C22orf23: variants seen among roughly 807,000 people sequenced by gnomAD.
C22orf23 encodes chromosome 22 open reading frame 23.
A neutral mutation model predicts 29.7 loss-of-function variants in C22orf23; 30 were observed. The ratio of observed to expected loss-of-function variants is 1.01; its 90% CI spans 0.76 to 1.37. The LOEUF (loss-of-function observed/expected upper bound fraction) is 1.37, where lower values mean the gene tolerates loss of function less well. Ranked by LOEUF, C22orf23 falls within the 40% of genes most tolerant of loss-of-function variation. The pLI is 0.00. For missense variants in C22orf23, 237 were observed against 273.1 expected (o/e 0.87, Z 0.93); for synonymous variants, 90 against 96.1 (o/e 0.94, Z 0.37).
chr22:37,953,013 A>G, intron 2 of C22orf23, 34 bp downstream of exon 2: 1 of 1,531,154 alleles, frequency 6.5e-7, no homozygotes, highest in Non-Finnish European at 9.0e-7. Flanking sequence ...CCCTGGTGCC[A>G]AAAAGGCTGG....
chr22:37,952,783 G>C, intron 2 of C22orf23: 1 of 375,810 alleles, frequency 2.7e-6, no homozygotes, highest in Non-Finnish European at 4.9e-6. Context: ...GGAGGTGAGC[G>C]GCAGGCTAGC....
chr22:37,948,467 A>T (rs796418521), intron 3 of C22orf23, among the ~76,000 whole-genome samples: 1 of 151,684 alleles, frequency 6.6e-6, no homozygotes, highest in South Asian at 2.1e-4. Flanking sequence ...CCCAAAAAAC[A>T]AAAATTAGCT....
intron 3 of C22orf23, among the ~76,000 whole-genome samples, chr22:37,948,477 T>C (rs552049124): frequency 5.9e-4 from 88 of 150,026 alleles, no homozygotes; most frequent in Middle Eastern, 3.6e-3. Context: ...AAAAATTAGC[T>C]GGGCGTGGTG....
At chr22:37,944,332 A>C (rs1448947660) in intron 6 of C22orf23, 85 bp downstream of exon 6, 2 of 1,613,380 alleles carry the variant, frequency 1.2e-6, no homozygotes, top group African/African-American at 2.7e-5. Flanking sequence ...CTGACCCCTG[A>C]ACCCTGCCAC....
At chr22:37,948,825 T>C (rs748010111) in intron 3 of C22orf23, among the ~76,000 whole-genome samples, 2 of 152,150 alleles carry the variant, frequency 1.3e-5, no homozygotes, top group African/African-American at 2.4e-5. Flanking sequence ...CGTACTGTAA[T>C]ATATTAAAAT....
At chr22:37,947,009 A>G (rs1162847049) in intron 4 of C22orf23, among the ~76,000 whole-genome samples, 2 of 151,670 alleles carry the variant, frequency 1.3e-5, no homozygotes, top group Non-Finnish European at 2.9e-5. Flanking sequence ...AGGCTGTGGC[A>G]TTGAGCCCTG....
chr22:37,944,645 A>G lies in C22orf23; in HGVS notation c.482-128T>C, dbSNP rs1301888089. The G allele has an allele frequency of 3.9e-6, 3 of 778,410 alleles. No homozygotes were observed. The African/African-American group carries it at 5.2e-5, about 13-fold the overall frequency. The allele number at this position is 778,410 out of a possible 1,614,324, so 48.2% of individuals were successfully genotyped here. A position where few individuals can be genotyped will look rare whatever the true frequency, so the allele number is the denominator to read the frequency against. On this transcript the variant is annotated intron_variant, in intron 5 of 6. Coordinates refer to ENST00000403305, the MANE Select transcript of C22orf23 (RefSeq NM_032561.5). ...GCCGGGCGCGGTGGCTCACGCCTAT[A>G]ATCCCAGCACTTTGGGAGGCCAAGG...
In C22orf23 at chr22:37,945,182, C is replaced by A. The variant is rs369751347; in HGVS notation, c.350-9G>T. 1.2e-6 allele frequency: 2 copies of A among 1,606,846 alleles called. No homozygotes were observed. Among genetic ancestry groups the A allele is most frequent in the African/African-American group, 2.7e-5 (2 of 73,974 alleles). Reference sequence around the variant, plus strand: ...CTCCTTCTCCAAATCCCCTGTAGGGCCAAAAAGAAATGGCCTAGTTAGGCT... The same window carrying A: ...CTCCTTCTCCAAATCCCCTGTAGGGACAAAAAGAAATGGCCTAGTTAGGCT... On this transcript the variant is annotated splice_polypyrimidine_tract_variant and intron_variant, in intron 4 of 6. Transcript: ENST00000403305.
At position 37,945,192 on chromosome 22, in the gene C22orf23, A is replaced by T; in HGVS notation, c.350-19T>A. The T allele has an allele frequency of 1.9e-6, 3 of 1,607,120 alleles. No homozygotes were observed. The highest frequency in any genetic ancestry group is 1.7e-6 in the Non-Finnish European group (2 of 1,177,308). ...AAATCCCCTGTAGGGCCAAAAAGAA[A>T]TGGCCTAGTTAGGCTGTAAAGGGTG... is the stretch of plus-strand genomic sequence containing the variant. On this transcript the variant is annotated intron_variant, in intron 4 of 6. Coordinates refer to ENST00000403305, the MANE Select transcript of C22orf23 (RefSeq NM_032561.5).
At position 37,947,386 on chromosome 22, in the gene C22orf23, T is replaced by C. The variant is rs1930760774; in HGVS notation, c.244A>G (p.Ile82Val). ...VLPSKQIASPIYLPPILAARP... is the reference protein window; with the variant it reads ...VLPSKQIASPVYLPPILAARP... Reference sequence around the variant, plus strand: ...GCTGCGAGGATGGGAGGCAGGTAGATGGGCGAGGCTATTTGCTTGGAAGGT... The same window carrying C: ...GCTGCGAGGATGGGAGGCAGGTAGACGGGCGAGGCTATTTGCTTGGAAGGT... The change falls in exon 4 of 7, where the codon ATC becomes GTC. Residue 82 changes from isoleucine to valine, a missense_variant. By Grantham distance (29) the Ile-to-Val change is conservative (BLOSUM62 3). Transcript: ENST00000403305. 1 of 1,613,360 alleles carries C rather than the reference T, an allele frequency of 6.2e-7. No individual in the cohort carries two copies. Among genetic ancestry groups the C allele is most frequent in the East Asian group, 2.2e-5 (1 of 44,840 alleles).
chr22:37,951,797 C>CTTTTTTTTTTTTTTTTTTTTTTTT (rs551481283), intron 2 of C22orf23: 2 of 38,746 alleles, frequency 5.2e-5, no homozygotes, highest in Admixed American at 6.8e-4. Context: ...TCCTCTTTCT[C>CTTTTTTTTTTTTTTTTTTTTTTTT]TTTTTTTTTT....
chr22:37,944,781 C>G (rs1352842953), intron 5 of C22orf23: 1 of 569,474 alleles, frequency 1.8e-6, no homozygotes, highest in African/African-American at 1.9e-5. Context: ...CGCTGGTAAT[C>G]CCAGCTACTC....
At chr22:37,947,174 G>C in intron 4 of C22orf23, 107 bp downstream of exon 4, 1 of 1,187,436 alleles carries the variant, frequency 8.4e-7, no homozygotes, top group Non-Finnish European at 1.2e-6. Context: ...AAGTGCATGG[G>C]GATTTGATTA....
chr22:37,953,488 T>G lies in C22orf23; in HGVS notation c.-50A>C. The G allele has an allele frequency of 1.8e-6, 1 of 545,316 alleles. No individual in the cohort carries two copies. The highest frequency in any genetic ancestry group is 3.2e-6 in the Non-Finnish European group (1 of 309,548). The allele number at this position is 545,316 out of a possible 1,614,324, so 33.8% of individuals were successfully genotyped here. The stretch of plus-strand genomic sequence containing the variant: ...GGGTGCTCCCCTCTCCACATAGAAG[T>G]GGGCTCCCGGAGGCGGTGACCACTG... On this transcript the variant is annotated 5_prime_UTR_variant, in exon 1 of 7. Transcript: ENST00000403305.
In C22orf23 at chr22:37,944,237, C is replaced by G. The variant is rs773726965; in HGVS notation, c.592G>C (p.Glu198Gln). The G allele has an allele frequency of 1.2e-6, 2 of 1,614,094 alleles. No homozygotes were observed. The highest frequency in any genetic ancestry group is 2.2e-5 in the South Asian group (2 of 91,088). Residue 198 changes from glutamate to glutamine, a missense_variant, in exon 7 of 7, where the codon GAA (glutamate) becomes CAA (glutamine). By Grantham distance (29) the Glu-to-Gln change is conservative. Coordinates refer to ENST00000403305, the MANE Select transcript of C22orf23 (RefSeq NM_032561.5). ...CTTCTGTGGTCAATGTCTTCCATTT[C>G]CCGGAGTTTCTGCAAAGGGCATCAG... is the stretch of plus-strand genomic sequence containing the variant. ...ILAEISQKLR[E>Q]MEDIDHRRSE...
At chr22:37,947,498 A>G (rs372302489) in intron 3 of C22orf23, 35 bp from the exon 4 acceptor site, 46 of 921,292 alleles carry the variant, frequency 5.0e-5, no homozygotes, top group African/African-American at 1.6e-4. Context: ...GAGGACCCAC[A>G]TGGCTTTTTT....
intron 4 of C22orf23, among the ~76,000 whole-genome samples, chr22:37,946,477 G>A (rs1930708907): frequency 6.6e-6 from 1 of 151,670 alleles, no homozygotes; most frequent in East Asian, 1.9e-4. Context: ...TCTGGAGACT[G>A]AGGCAGGAGG....
chr22:37,947,623 G>A (rs1930784105), intron 3 of C22orf23, among the ~76,000 whole-genome samples, 160 bp from the exon 4 acceptor site: 1 of 145,402 alleles, frequency 6.9e-6, no homozygotes, highest in African/African-American at 2.6e-5. Flanking sequence ...CGATTCTCCT[G>A]CCTCAGTCTC....
In C22orf23 at chr22:37,947,366, G is replaced by T. The variant is rs747710034; in HGVS notation, c.264C>A (p.Leu88=). 1 of 1,613,904 alleles carries T rather than the reference G, an allele frequency of 6.2e-7. No individual in the cohort carries two copies. The highest frequency in any genetic ancestry group is 1.7e-5 in the Admixed American group (1 of 59,988). ...CAGGCCGGAGGTGGGGACGGGCTGC[G>T]AGGATGGGAGGCAGGTAGATGGGCG... The part of the protein sequence containing the change: ...IASPIYLPPI[L]AARPHLRPAN... Residue 88 remains leucine (L), a synonymous_variant, in exon 4 of 7, where the codon CTC becomes CTA. Coordinates refer to ENST00000403305, the MANE Select transcript of C22orf23 (RefSeq NM_032561.5).
Sources: allele counts gnomAD v4.1 joint callset (sites outside exome capture counted in the v4.1 genomes callset), GRCh38; gene constraint gnomAD v4.1.1; transcripts MANE v1.5; gene names NCBI Gene and HGNC (gene_info 2026-07-23, HGNC 2026-07-21).